TDRD1: variants seen among roughly 807,000 people sequenced by gnomAD.
TDRD1 encodes the protein tudor domain containing 1.
A neutral mutation model predicts 140.6 loss-of-function variants in TDRD1; 37 were observed. That is an observed-to-expected ratio of 0.26 (90% confidence interval 0.20 to 0.35). The LOEUF is 0.35. Among genes scored for constraint, TDRD1 ranks in the 10% least tolerant of loss-of-function variants. The pLI is 1.00. For synonymous variants in TDRD1, 506 were observed against 475.7 expected (o/e 1.06, Z -0.83); for missense variants, 1,243 against 1,393.0 (o/e 0.89, Z 1.71).
chr10:114,211,394 C>G (rs980105348), intron 13 of TDRD1, among the ~76,000 whole-genome samples: 16 of 152,196 alleles, frequency 1.1e-4, no homozygotes, highest in Admixed American at 7.2e-4. Flanking sequence ...TCCTGCCTTG[C>G]GATAACCAGG....
In TDRD1 at chr10:114,202,281, G is replaced by T. The variant is rs746035546; in HGVS notation, c.679G>T (p.Val227Leu). The T allele has an allele frequency of 3.1e-6, 5 of 1,603,344 alleles. No homozygotes were observed. In the South Asian group the frequency reaches 5.7e-5, roughly 18 times the overall value. ...TAAATCATCTATTGAAACAAAGGAT[G>T]TGGAGGTAAACAATAAGGTATGGTA... The change falls in exon 6 of 26, where the codon GTG becomes TTG. Residue 227 changes from valine (V) to leucine (L), a missense_variant. Physicochemically the swap from Val to Leu is conservative, Grantham distance 32 (BLOSUM62 1). Around this residue, in one of 5 missense-constraint regions of TDRD1, gnomAD observed 392 missense variants for 394.1 expected, o/e 0.99. Transcript: ENST00000251864.
chr10:114,217,815 A>G (rs1373328455), intron 17 of TDRD1, among the ~76,000 whole-genome samples, 160 bp downstream of exon 17: 1 of 152,216 alleles, frequency 6.6e-6, no homozygotes, highest in Non-Finnish European at 1.5e-5. Flanking sequence ...TCTTTGTAAC[A>G]AGGAACTTAC....
intron 16 of TDRD1, among the ~76,000 whole-genome samples, chr10:114,215,812 A>G (rs914986367): frequency 6.6e-6 from 1 of 152,194 alleles, no homozygotes; most frequent in African/African-American, 2.4e-5. Flanking sequence ...ACATGAAAAC[A>G]TGTTTCAAAA....
chr10:114,190,865 C>G, intron 2 of TDRD1, 96 bp from the exon 3 acceptor site: 1 of 1,176,642 alleles, frequency 8.5e-7, no homozygotes, highest in Non-Finnish European at 1.3e-6. Context: ...TGGTATAGCC[C>G]TGTTACTTGA....
intron 3 of TDRD1, among the ~76,000 whole-genome samples, chr10:114,197,957 CTG>C (rs562188722): frequency 6.6e-6 from 1 of 152,146 alleles, no homozygotes; most frequent in Admixed American, 6.5e-5. Context: ...CACCCAGTCT[CTG>C]TATCGTATTT....
intron 2 of TDRD1, among the ~76,000 whole-genome samples, chr10:114,190,600 A>G (rs1276989245): frequency 1.3e-5 from 2 of 152,148 alleles, no homozygotes; most frequent in African/African-American, 4.8e-5. Context: ...TGGTTCTCCT[A>G]CCTCAGCCTC....
intron 1 of TDRD1, among the ~76,000 whole-genome samples, chr10:114,185,892 C>T (rs530791970): frequency 1.1e-3 from 172 of 152,236 alleles, no homozygotes; most frequent in Non-Finnish European, 2.0e-3. Context: ...CCTGGCCTAA[C>T]GTTACATCTT....
At chr10:114,182,372 G>T (rs910537647) in intron 1 of TDRD1, among the ~76,000 whole-genome samples, 32 of 152,206 alleles carry the variant, frequency 2.1e-4, no homozygotes, top group Admixed American at 2.0e-3. Context: ...AATAGGGTGA[G>T]TCCTTCAAAC....
chr10:114,227,419 A>C, intron 23 of TDRD1, 120 bp downstream of exon 23: 12 of 739,046 alleles, frequency 1.6e-5, no homozygotes, highest in Non-Finnish European at 2.5e-5. Flanking sequence ...TCCTCCACAA[A>C]TCCAGTGGCA....
At chr10:114,217,287 G>A (rs1466719881) in intron 16 of TDRD1, among the ~76,000 whole-genome samples, 1 of 152,144 alleles carries the variant, frequency 6.6e-6, no homozygotes, top group Admixed American at 6.5e-5. Context: ...TCATGCTTTA[G>A]TGTACTGATA....
chr10:114,212,472 A>C (rs1373596383), intron 14 of TDRD1, among the ~76,000 whole-genome samples: 3 of 152,222 alleles, frequency 2.0e-5, no homozygotes, highest in Non-Finnish European at 4.4e-5. Context: ...AGTATGAGAG[A>C]GTCCATTCTC....
intron 3 of TDRD1, among the ~76,000 whole-genome samples, chr10:114,195,328 C>T (rs1015821886): frequency 6.6e-5 from 10 of 152,118 alleles, no homozygotes; most frequent in African/African-American, 2.2e-4. Flanking sequence ...TTGGGTCAGA[C>T]GACCTATAAA....
At chr10:114,206,679 T>C (rs1223527769) in intron 11 of TDRD1, among the ~76,000 whole-genome samples, 1 of 149,004 alleles carries the variant, frequency 6.7e-6, no homozygotes, top group Non-Finnish European at 1.5e-5. Flanking sequence ...AATGGCATGG[T>C]CTCGGCTCCC....
At chr10:114,185,237 T>G (rs1040230818) in intron 1 of TDRD1, among the ~76,000 whole-genome samples, 1 of 152,236 alleles carries the variant, frequency 6.6e-6, no homozygotes, top group Non-Finnish European at 1.5e-5. Context: ...TTGCCCAGAT[T>G]GGCGTGCAGT....
chr10:114,204,765 A>G (rs1410536150), exon 10 of TDRD1: 1 of 1,600,716 alleles, frequency 6.2e-7, no homozygotes, highest in Non-Finnish European at 8.5e-7. Flanking sequence ...GCAGAAGGGA[A>G]TTGGAGCAGT....
intron 21 of TDRD1, 106 bp downstream of exon 21, chr10:114,222,809 T>A (rs2036221511): frequency 1.6e-6 from 1 of 633,702 alleles, no homozygotes; most frequent in Non-Finnish European, 2.8e-6. Context: ...TCATTTGGTT[T>A]AGGGAGAGAA....
At chr10:114,211,003 TTTTA>T (rs1310178544) in intron 13 of TDRD1, 36 bp downstream of exon 13, 2 of 1,481,512 alleles carry the variant, frequency 1.3e-6, no homozygotes, top group African/African-American at 1.4e-5. Flanking sequence ...TAAAATTTAT[TTTTA>T]TTTATTTTTT....
rs1168170454 is a variant in TDRD1, at chr10:114,210,623, T to C, written c.1427T>C (p.Ile476Thr). The C allele has an allele frequency of 1.9e-6, 3 of 1,606,898 alleles. No individual in the cohort carries two copies. In the South Asian group the frequency reaches 3.3e-5, roughly 18 times the overall value. Residue 476 changes from isoleucine to threonine, a missense_variant, in exon 12 of 26, where the codon ATT becomes ACT. Transcript: ENST00000251864. ...GGAAAAATGACAACTGAAAACAACA[T>C]TGTCGTAGACAAAAGTGACCTAATC...
At chr10:114,202,834 A>G (rs2034849270) in intron 6 of TDRD1, among the ~76,000 whole-genome samples, 1 of 152,192 alleles carries the variant, frequency 6.6e-6, no homozygotes, top group Non-Finnish European at 1.5e-5. Context: ...TTTTTTTGAA[A>G]TAAAGTCAAC....
Sources: allele counts gnomAD v4.1 joint callset (sites outside exome capture counted in the v4.1 genomes callset), GRCh38; gene constraint gnomAD v4.1.1; regional missense constraint gnomAD v4.1.1; transcripts MANE v1.5; gene names NCBI Gene and HGNC (gene_info 2026-07-23, HGNC 2026-07-21).